ABCC4: variants seen among roughly 807,000 people sequenced by gnomAD.
ABCC4 encodes the protein ATP binding cassette subfamily C member 4 (PEL blood group).
Under a neutral mutation model 168.5 loss-of-function variants are expected in ABCC4, and 102 were observed. The ratio of observed to expected loss-of-function variants is 0.61; its 90% CI spans 0.52 to 0.71. The LOEUF is 0.71. ABCC4 is among the 30% of genes least tolerant of loss of function. The pLI, the probability that ABCC4 is intolerant of heterozygous loss-of-function variation, is 0.00. For missense variants in ABCC4, 1,402 were observed against 1,605.8 expected (o/e 0.87, Z 2.17); for synonymous variants, 617 against 590.7 (o/e 1.04, Z -0.65).
At position 95,247,059 on chromosome 13, in the gene ABCC4, G is replaced by A. The variant is rs539483537; in HGVS notation, c.222C>T (p.Asp74=). 3.9e-5 allele frequency: 63 copies of A among 1,613,404 alleles called. 1 individual carries two copies. Among genetic ancestry groups the A allele is most frequent in the South Asian group, 2.2e-4 (20 of 91,022 alleles). Residue 74 remains aspartate, a synonymous_variant, in exon 3 of 31, where the codon GAC becomes GAT. Transcript: ENST00000645237. ...WDKEVLRAEN[D]AQKPSLTRAI... Reference sequence around the variant, plus strand: ...CTCTTGTTAAAGAAGGCTTCTGTGCGTCATTCTCAGCTCTTAAAACTTCTT... The same window carrying A: ...CTCTTGTTAAAGAAGGCTTCTGTGCATCATTCTCAGCTCTTAAAACTTCTT...
At chr13:95,102,977 T>C (rs925218688) in intron 20 of ABCC4, among the ~76,000 whole-genome samples, 3 of 150,496 alleles carry the variant, frequency 2.0e-5, no homozygotes, top group Admixed American at 2.0e-4. Context: ...CTTTAAAACC[T>C]GAAGCTGGGC....
intron 20 of ABCC4, among the ~76,000 whole-genome samples, chr13:95,092,240 A>G (rs2034457794): frequency 6.6e-6 from 1 of 152,196 alleles, no homozygotes. Flanking sequence ...CACTGACAGC[A>G]CTAGACAGAT....
At chr13:95,261,443 C>A (rs953008976) in intron 1 of ABCC4, among the ~76,000 whole-genome samples, 8 of 151,750 alleles carry the variant, frequency 5.3e-5, no homozygotes, top group Non-Finnish European at 1.2e-4. Flanking sequence ...GAGCAAGACT[C>A]CCTATCAAAA....
At chr13:95,178,592 T>C (rs1053698376) in intron 11 of ABCC4, among the ~76,000 whole-genome samples, 1 of 151,992 alleles carries the variant, frequency 6.6e-6, no homozygotes, top group Admixed American at 6.6e-5. Context: ...TGGCACAGAG[T>C]GCAGGAAGAG....
At chr13:95,164,595 C>T in intron 15 of ABCC4, 77 bp from the exon 16 acceptor site, 16 of 1,520,642 alleles carry the variant, frequency 1.1e-5, no homozygotes, top group Non-Finnish European at 1.4e-5. Context: ...ACTCTGTTGA[C>T]AAAGCTGTGG....
chr13:95,060,015 C>T (rs749253712), intron 26 of ABCC4, among the ~76,000 whole-genome samples: 5 of 152,278 alleles, frequency 3.3e-5, no homozygotes, highest in Middle Eastern at 3.4e-3. Context: ...GTCGTGTTGA[C>T]GCTTAGAAGA....
Position 95,194,827 on chromosome 13 carries a change from A to G in ABCC4, c.1263+9T>C, listed in dbSNP as rs1277016575. 1 of 1,608,468 alleles carries G rather than the reference A, an allele frequency of 6.2e-7. No homozygotes were observed. Among genetic ancestry groups the G allele is most frequent in the Admixed American group, 1.7e-5 (1 of 59,896 alleles). ...CAGCAGTCATGATCTTGCATTAAGG[A>G]TATGTTACCTTATCCCAAAAAGCAG... On this transcript the variant is annotated intron_variant, in intron 9 of 30. Coordinates refer to ENST00000645237, the MANE Select transcript of ABCC4 (RefSeq NM_005845.5).
Position 95,273,730 on chromosome 13 carries a change from T to C in ABCC4, c.75-25977A>G, listed in dbSNP as rs139817439. On this transcript the variant is annotated intron_variant, in intron 1 of 30. Coordinates refer to ENST00000645237, the MANE Select transcript of ABCC4 (RefSeq NM_005845.5). ...GTGGGAGGGATCCAATGGGAGATAA[T>C]TGAATCATGGGGGCGGGTCTTTCCT... Among the ~76,000 whole-genome samples the C allele has an allele frequency of 2.3e-3, 354 of 151,914 alleles. 2 individuals carry two copies. Among genetic ancestry groups the C allele is most frequent in the African/African-American group, 5.1e-3 (213 of 41,386 alleles).
intron 26 of ABCC4, among the ~76,000 whole-genome samples, chr13:95,056,197 T>A (rs781754791): frequency 2.0e-5 from 3 of 152,090 alleles, no homozygotes; most frequent in African/African-American, 4.8e-5. Flanking sequence ...GAAACTTCGC[T>A]CTCTTAAAAT....
rs1325505036 is a variant in ABCC4, at chr13:95,301,174, G to A, written c.74+67C>T. On this transcript the variant is annotated intron_variant, in intron 1 of 30. Transcript: ENST00000645237. ...GAGGGCTTGGGCAGCATCGGGCGCG[G>A]CCCCGGGAGAGTGCGTCCGCGGCGC... The A allele has an allele frequency of 4.1e-6, 6 of 1,464,706 alleles. No homozygotes were observed. The Admixed American group carries it at 1.0e-4, about 25-fold the overall frequency. The allele number at this position is 1,464,706 out of a possible 1,614,324, so 90.7% of individuals were successfully genotyped here.
chr13:95,276,987 C>A (rs2040988262), intron 1 of ABCC4, among the ~76,000 whole-genome samples: 1 of 152,110 alleles, frequency 6.6e-6, no homozygotes, highest in Non-Finnish European at 1.5e-5. Flanking sequence ...CCACTGCACT[C>A]CAGACTGGGC....
At chr13:95,146,793 T>G (rs1594179884) in intron 19 of ABCC4, among the ~76,000 whole-genome samples, 1 of 152,248 alleles carries the variant, frequency 6.6e-6, no homozygotes, top group East Asian at 1.9e-4. Flanking sequence ...TCAAATAAAT[T>G]TATAATGTTG....
intron 19 of ABCC4, among the ~76,000 whole-genome samples, chr13:95,144,263 A>ATTATACTATATAGTATAAAATC (rs1262876164): frequency 3.3e-5 from 5 of 152,154 alleles, no homozygotes; most frequent in African/African-American, 9.7e-5. Flanking sequence ...AACATAAAAT[A>ATTATACTATATAGTATAAAATC]TTATACTATA....
chr13:95,261,173 C>T (rs2040522367), intron 1 of ABCC4, among the ~76,000 whole-genome samples: 1 of 152,050 alleles, frequency 6.6e-6, no homozygotes, highest in Admixed American at 6.6e-5. Flanking sequence ...AATTCCCAGG[C>T]CCAGTGGCTC....
intron 11 of ABCC4, 66 bp from the exon 12 acceptor site, chr13:95,178,157 T>C: frequency 1.4e-6 from 2 of 1,440,016 alleles, no homozygotes; most frequent in Non-Finnish European, 9.8e-7. Context: ...CTGTTCTTTG[T>C]GTTCTTCCAA....
At chr13:95,040,232 T>C (rs1361092080) in intron 29 of ABCC4, among the ~76,000 whole-genome samples, 2 of 152,168 alleles carry the variant, frequency 1.3e-5, no homozygotes, top group African/African-American at 4.8e-5. Flanking sequence ...TCTCCCAGTG[T>C]GTTCATTTTT....
chr13:95,064,867 T>C (rs1487927228), intron 25 of ABCC4, among the ~76,000 whole-genome samples: 1 of 152,188 alleles, frequency 6.6e-6, no homozygotes, highest in East Asian at 1.9e-4. Context: ...AAGTCACCAA[T>C]GGGTTTCACC....
At chr13:95,029,281 G>A (rs1397433573) in intron 30 of ABCC4, among the ~76,000 whole-genome samples, 8 of 81,810 alleles carry the variant, frequency 9.8e-5, no homozygotes, top group African/African-American at 3.6e-4. Context: ...GAGAGAGAAC[G>A]CTAATAAAAA....
At chr13:95,096,345 C>T (rs2034598925) in intron 20 of ABCC4, among the ~76,000 whole-genome samples, 1 of 152,014 alleles carries the variant, frequency 6.6e-6, no homozygotes, top group Admixed American at 6.6e-5. Flanking sequence ...GGAGCTACAC[C>T]AAACAGTCTA....
Sources: allele counts gnomAD v4.1 joint callset (sites outside exome capture counted in the v4.1 genomes callset), GRCh38; gene constraint gnomAD v4.1.1; transcripts MANE v1.5; gene names NCBI Gene and HGNC (gene_info 2026-07-23, HGNC 2026-07-21).